The following DSCAM variants were observed in gnomAD, a reference collection of about 807,000 sequenced individuals.
The protein encoded by DSCAM is DS cell adhesion molecule.
DSCAM carries 47 observed loss-of-function variants against 217.7 expected under a neutral mutation model. The ratio of observed to expected loss-of-function variants is 0.22; its 90% CI spans 0.17 to 0.28. The LOEUF (loss-of-function observed/expected upper bound fraction) is 0.28. DSCAM is among the 10% of genes least tolerant of loss of function. The pLI, the probability that DSCAM is intolerant of heterozygous loss-of-function variation, is 1.00. For synonymous variants in DSCAM, 1,056 were observed against 1,015.3 expected, an observed-to-expected ratio of 1.04 and a Z score of -0.76; for missense variants, 2,080 against 2,618.3, an observed-to-expected ratio of 0.79 and a Z score of 4.49.
At chr21:40,116,134 C>A (rs542364759) in intron 20 of DSCAM, among the ~76,000 whole-genome samples, 1 of 152,176 alleles carries the variant, frequency 6.6e-6, no homozygotes, top group Admixed American at 6.5e-5. Context: ...GGGAACAACA[C>A]ACAACACAAC....
chr21:40,304,669 T>C (rs1223890602), intron 9 of DSCAM, among the ~76,000 whole-genome samples: 1 of 152,162 alleles, frequency 6.6e-6, no homozygotes. Context: ...CGGAGACTGT[T>C]GTGGGGCCAT....
intron 19 of DSCAM, among the ~76,000 whole-genome samples, chr21:40,127,181 A>C (rs1225627154): frequency 1.3e-5 from 2 of 152,220 alleles, no homozygotes; most frequent in African/African-American, 4.8e-5. Context: ...TTCTCTGTAC[A>C]GTAAGCACCA....
intron 3 of DSCAM, among the ~76,000 whole-genome samples, chr21:40,411,281 G>T (rs2075321424): frequency 6.6e-6 from 1 of 151,250 alleles, no homozygotes; most frequent in African/African-American, 2.4e-5. Context: ...GGCAGAATAA[G>T]CCACGAATGG....
intron 3 of DSCAM, among the ~76,000 whole-genome samples, chr21:40,529,756 G>A (rs937208820): frequency 2.0e-5 from 3 of 152,102 alleles, no homozygotes; most frequent in Non-Finnish European, 4.4e-5. Flanking sequence ...CTTTTTAGAT[G>A]AAATCTCTTT....
chr21:40,439,841 C>T (rs2008489), intron 3 of DSCAM, among the ~76,000 whole-genome samples: 31,172 of 151,898 alleles, frequency 0.21, 3,193 homozygotes, highest in Middle Eastern at 0.26. Context: ...CACAAGATCA[C>T]GAGAACAGCA....
Position 40,518,527 on chromosome 21 carries a change from T to A in DSCAM, c.509-149282A>T, listed in dbSNP as rs1180244798. 2.7e-3 allele frequency among the ~76,000 whole-genome samples: 110 copies of A among 40,818 alleles called. 6 individuals are homozygous for A. The highest frequency in any genetic ancestry group is 0.02 in the African/African-American group (106 of 5,344). The allele number at this position is 40,818 out of a possible 152,430, so 26.8% of individuals were successfully genotyped here. The stretch of plus-strand genomic sequence containing the variant: ...TATATATAATATATATAATATATAT[T>A]TTATATATATATATGTACACACACA... On this transcript the variant is annotated intron_variant, in intron 3 of 32. Transcript: ENST00000400454.
At chr21:40,523,749 C>T (rs1052561104) in intron 3 of DSCAM, among the ~76,000 whole-genome samples, 6 of 152,108 alleles carry the variant, frequency 3.9e-5, no homozygotes, top group East Asian at 1.9e-4. Flanking sequence ...TGATCTGATA[C>T]GCACAAGCCA....
rs201106440 is a variant in DSCAM, at chr21:40,745,384, GAAGA to G, written c.44-36617_44-36614del. On this transcript the variant is annotated intron_variant, in intron 1 of 32. Transcript: ENST00000400454. The stretch of plus-strand genomic sequence containing the variant: ...CAAATTATCAAAAAGCAAAGATAAA[GAAGA>G]AATACTCAAAGCAGCAAGAGAAAGA... Among the ~76,000 whole-genome samples, 1,059 of 152,270 alleles carry G rather than the reference GAAGA, an allele frequency of 7.0e-3. 14 individuals are homozygous for G. The highest frequency in any genetic ancestry group is 0.024 in the African/African-American group (1,010 of 41,558).
rs769883595 is a variant in DSCAM at position 40,075,229 on chromosome 21, C to T, written c.4712-16G>A. ...GGAATTGTACCTGAAAGCAGGGCCA[C>T]GGTGTTAGATGGCTATTAATGAAGA... On this transcript the variant is annotated splice_polypyrimidine_tract_variant and intron_variant, in intron 26 of 32. Transcript: ENST00000400454. 2.4e-5 allele frequency: 38 copies of T among 1,613,780 alleles called. No homozygotes were observed. The highest frequency in any genetic ancestry group is 1.2e-4 in the Admixed American group (7 of 59,976).
intron 3 of DSCAM, among the ~76,000 whole-genome samples, chr21:40,417,023 T>C (rs560983410): frequency 6.6e-6 from 1 of 152,148 alleles, no homozygotes. Flanking sequence ...AAAGGTGACA[T>C]TGGTCTGATT....
At chr21:40,340,606 G>C (rs1380116864) in intron 6 of DSCAM, among the ~76,000 whole-genome samples, 1 of 152,138 alleles carries the variant, frequency 6.6e-6, no homozygotes, top group Non-Finnish European at 1.5e-5. Context: ...AAGAGACCTT[G>C]CTGGAGGGGA....
At chr21:40,186,993 C>T in intron 14 of DSCAM, 138 bp downstream of exon 14, 2 of 1,061,580 alleles carry the variant, frequency 1.9e-6, no homozygotes, top group African/African-American at 1.6e-5. Context: ...GTGCTTCCAG[C>T]AAGGAGACTG....
At chr21:40,531,181 C>G (rs2076443569) in intron 3 of DSCAM, among the ~76,000 whole-genome samples, 1 of 152,176 alleles carries the variant, frequency 6.6e-6, no homozygotes, top group Non-Finnish European at 1.5e-5. Flanking sequence ...GCTTGCAGGA[C>G]ATGGTGGTTT....
chr21:40,366,242 C>T (rs2074831730), intron 4 of DSCAM, among the ~76,000 whole-genome samples: 2 of 152,032 alleles, frequency 1.3e-5, no homozygotes, highest in Admixed American at 1.3e-4. Flanking sequence ...TACTTATTCT[C>T]ATCAATTGCT....
rs1797743744 is a variant in DSCAM, at chr21:40,087,236, T to C, written c.3902A>G (p.Lys1301Arg). 1 of 1,614,156 alleles carries C rather than the reference T, an allele frequency of 6.2e-7. No homozygotes were observed. The highest frequency in any genetic ancestry group is 1.3e-5 in the African/African-American group (1 of 75,050). ...FSGTVTTPWMKDIVLPCKAVG... is the reference protein window; with the variant it reads ...FSGTVTTPWMRDIVLPCKAVG... ...AGCCTTACAAGGCAAGACAATGTCT[T>C]TCATCCATGGAGTAGTCACTGTCCC... The change falls in exon 22 of 33, where the codon AAA (lysine) becomes AGA (arginine). Residue 1301 changes from lysine to arginine, a missense_variant. By Grantham distance (26) the Lys-to-Arg change is conservative (BLOSUM62 2). Transcript: ENST00000400454.
intron 32 of DSCAM, among the ~76,000 whole-genome samples, chr21:40,024,712 A>G (rs1344160942): frequency 4.9e-4 from 36 of 73,718 alleles, no homozygotes; most frequent in African/African-American, 1.7e-3. Context: ...ACTTTTGTAC[A>G]TTGATTTTGT....
chr21:40,052,841 G>A (rs2837394), intron 29 of DSCAM, among the ~76,000 whole-genome samples: 25,917 of 152,150 alleles, frequency 0.17, 2,817 homozygotes, highest in Non-Finnish European at 0.25. Context: ...ATGGGTTCTG[G>A]GCATCTTAGT....
intron 3 of DSCAM, among the ~76,000 whole-genome samples, chr21:40,405,711 A>G (rs2075274216): frequency 6.6e-6 from 1 of 152,224 alleles, no homozygotes; most frequent in Non-Finnish European, 1.5e-5. Flanking sequence ...AAAAGATGAT[A>G]TATAGCCGGG....
At chr21:40,210,255 C>T (rs2091168950) in intron 11 of DSCAM, among the ~76,000 whole-genome samples, 1 of 152,244 alleles carries the variant, frequency 6.6e-6, no homozygotes, top group African/African-American at 2.4e-5. Flanking sequence ...GGAGCCCTCC[C>T]TGACCTCACC....
Sources: allele counts gnomAD v4.1 joint callset (sites outside exome capture counted in the v4.1 genomes callset), GRCh38; gene constraint gnomAD v4.1.1; transcripts MANE v1.5; gene names NCBI Gene and HGNC (gene_info 2026-07-23, HGNC 2026-07-21).